The following PIP5K1B variants were observed in gnomAD, a reference collection of about 807,000 sequenced individuals.
PIP5K1B encodes the protein phosphatidylinositol-4-phosphate 5-kinase type 1 beta.
In PIP5K1B, 42 loss-of-function variants were observed where a neutral mutation model predicts 67.0. The observed-to-expected ratio is 0.63, with a 90% CI of 0.49 to 0.81. The LOEUF (loss-of-function observed/expected upper bound fraction) is 0.81, where lower values mean the gene tolerates loss of function less well. Ranked by LOEUF, PIP5K1B falls within the 30% of genes least tolerant of loss-of-function variation. The probability of loss-of-function intolerance (pLI) is 0.00; values close to 1 mark genes in which losing one functional copy is unlikely to be tolerated. For missense variants in PIP5K1B, 459 were observed against 646.3 expected (o/e 0.71, Z 3.14); for synonymous variants, 214 against 231.4 (o/e 0.92, Z 0.68).
intron 8 of PIP5K1B, among the ~76,000 whole-genome samples, chr9:68,910,963 TTTC>T (rs1263173928): frequency 2.6e-5 from 4 of 152,224 alleles, no homozygotes; most frequent in Non-Finnish European, 5.9e-5. Flanking sequence ...TAGTGAGGAC[TTTC>T]TATGTCAAAT....
intron 14 of PIP5K1B, among the ~76,000 whole-genome samples, chr9:68,960,798 T>G (rs1828687588): frequency 6.6e-6 from 1 of 152,364 alleles, no homozygotes; most frequent in East Asian, 1.9e-4. Flanking sequence ...TTTGGCATTT[T>G]CTAATCCCTG....
chr9:68,713,599 A>C (rs1322056941), intron 1 of PIP5K1B, among the ~76,000 whole-genome samples: 3 of 152,202 alleles, frequency 2.0e-5, no homozygotes, highest in Non-Finnish European at 2.9e-5. Flanking sequence ...CTCCTTCAGA[A>C]ATATGAGGGG....
intron 8 of PIP5K1B, among the ~76,000 whole-genome samples, chr9:68,916,669 C>T (rs765531280): frequency 1.1e-4 from 16 of 151,950 alleles, no homozygotes; most frequent in African/African-American, 3.6e-4. Context: ...GTCATGGGTT[C>T]GAGACCAGCC....
chr9:68,825,249 G>A (rs551414801), intron 4 of PIP5K1B, among the ~76,000 whole-genome samples: 6 of 152,206 alleles, frequency 3.9e-5, no homozygotes, highest in Non-Finnish European at 5.9e-5. Flanking sequence ...TAAAAGATTC[G>A]CTAGTCTCCT....
chr9:68,975,302 C>G (rs56793668), intron 14 of PIP5K1B, among the ~76,000 whole-genome samples: 10,088 of 152,186 alleles, frequency 0.066, 700 homozygotes, highest in African/African-American at 0.17. Context: ...CTCCTGGACT[C>G]AAATAATCTA....
At chr9:68,992,981 A>T (rs974660175) in intron 15 of PIP5K1B, among the ~76,000 whole-genome samples, 11 of 151,806 alleles carry the variant, frequency 7.2e-5, no homozygotes, top group African/African-American at 2.7e-4. Context: ...ACACGGTGAA[A>T]CCCCATCTGT....
chr9:69,001,604 G>GGAGAGA (rs1015275401), intron 15 of PIP5K1B, among the ~76,000 whole-genome samples: 13 of 152,150 alleles, frequency 8.5e-5, no homozygotes, highest in African/African-American at 3.1e-4. Context: ...CTTAGTGGCA[G>GGAGAGA]GAGAGAGACA....
chr9:68,780,240 AGCGGCG>A (rs748999752), intron 2 of PIP5K1B: 1 of 1,542,046 alleles, frequency 6.5e-7, no homozygotes, highest in Admixed American at 2.1e-5. Flanking sequence ...GGGCGGTGGC[AGCGGCG>A]GCGGCGGGGG....
intron 14 of PIP5K1B, among the ~76,000 whole-genome samples, chr9:68,946,607 G>C (rs145125140): frequency 0.011 from 1,713 of 151,752 alleles, 12 homozygotes; most frequent in Middle Eastern, 0.031. Context: ...TGTTAGCCAG[G>C]ATGGTCTCGA....
At chr9:69,000,276 G>C (rs1012447676) in intron 15 of PIP5K1B, among the ~76,000 whole-genome samples, 1 of 152,064 alleles carries the variant, frequency 6.6e-6, no homozygotes, top group Non-Finnish European at 1.5e-5. Context: ...ACAGGTCCTC[G>C]CCTACAGCCA....
chr9:68,940,013 T>G (rs1587696055), intron 13 of PIP5K1B, among the ~76,000 whole-genome samples: 1 of 152,296 alleles, frequency 6.6e-6, no homozygotes, highest in East Asian at 1.9e-4. Flanking sequence ...GGCTCTCGCA[T>G]AAGTAATTTC....
chr9:68,740,886 C>A (rs62552062), intron 1 of PIP5K1B, among the ~76,000 whole-genome samples: 480 of 152,338 alleles, frequency 3.2e-3, no homozygotes, highest in African/African-American at 0.011. Flanking sequence ...TGGAAGACTT[C>A]AGGCTCAGAA....
chr9:68,707,267 C>T (rs1827168459), intron 1 of PIP5K1B, among the ~76,000 whole-genome samples: 1 of 152,148 alleles, frequency 6.6e-6, no homozygotes, highest in Non-Finnish European at 1.5e-5. Context: ...TTTTTGTCCA[C>T]GTTAAGACTA....
intron 15 of PIP5K1B, 87 bp from the exon 16 acceptor site, chr9:69,008,360 A>T: frequency 8.4e-7 from 1 of 1,192,254 alleles, no homozygotes; most frequent in Non-Finnish European, 1.3e-6. Context: ...ATTGGGAGAA[A>T]TAACGAACTT....
At chr9:68,904,665 G>A (rs2132455528) in intron 8 of PIP5K1B, among the ~76,000 whole-genome samples, 1 of 152,166 alleles carries the variant, frequency 6.6e-6, no homozygotes, top group Non-Finnish European at 1.5e-5. Context: ...AGGAGATTAG[G>A]GACTCAATGT....
intron 4 of PIP5K1B, among the ~76,000 whole-genome samples, chr9:68,830,977 C>A (rs1425886518): frequency 1.3e-5 from 2 of 152,170 alleles, no homozygotes; most frequent in African/African-American, 4.8e-5. Context: ...TGCCTGAGCA[C>A]ATAAAAGAGA....
chr9:68,975,125 G>A (rs1829572344), intron 14 of PIP5K1B, among the ~76,000 whole-genome samples: 1 of 152,240 alleles, frequency 6.6e-6, no homozygotes. Context: ...CTGGAGTGCA[G>A]TGGCACGATC....
intron 2 of PIP5K1B, among the ~76,000 whole-genome samples, chr9:68,778,337 A>C (rs574248780): frequency 1.3e-5 from 2 of 152,298 alleles, no homozygotes; most frequent in South Asian, 4.2e-4. Context: ...GGCACTTAGA[A>C]AATGTTGGTT....
chr9:68,798,900 T>C (rs1050287371), intron 2 of PIP5K1B, among the ~76,000 whole-genome samples: 4 of 152,132 alleles, frequency 2.6e-5, no homozygotes, highest in African/African-American at 9.7e-5. Flanking sequence ...AAAGATGGTT[T>C]TGAGAAATCA....
Sources: gnomAD v4.1 joint callset for allele counts (sites outside exome capture counted in the v4.1 genomes callset) on GRCh38, gnomAD v4.1.1 for gene constraint, MANE v1.5 for transcripts, NCBI Gene and HGNC (gene_info 2026-07-23, HGNC 2026-07-21) for gene names.